Variants in WWP2 observed in about 807,000 individuals in gnomAD.
The protein encoded by WWP2 is WW domain containing E3 ubiquitin protein ligase 2, also known as NEDD4-like E3 ubiquitin-protein ligase WWP2.
In WWP2, 57 loss-of-function variants were observed where a neutral mutation model predicts 121.0. The ratio of observed to expected loss-of-function variants is 0.47; its 90% CI spans 0.38 to 0.59. The LOEUF (loss-of-function observed/expected upper bound fraction) is 0.59, where lower values mean the gene tolerates loss of function less well. Ranked by LOEUF, WWP2 falls within the 20% of genes least tolerant of loss-of-function variation. The pLI is 0.00. For missense variants in WWP2, 962 were observed against 1,158.9 expected (o/e 0.83, Z 2.47); for synonymous variants, 449 against 441.3 (o/e 1.02, Z -0.22).
chr16:69,929,995 G>A (rs1597177132), intron 12 of WWP2, 135 bp from the exon 13 acceptor site: 3 of 1,344,932 alleles, frequency 2.2e-6, no homozygotes, highest in Non-Finnish European at 3.1e-6. Context: ...CTTGGGTCAT[G>A]CTTCTTGGGT....
chr16:69,900,022 ATT>A (rs1409463942), intron 8 of WWP2, among the ~76,000 whole-genome samples: 12 of 152,150 alleles, frequency 7.9e-5, no homozygotes, highest in Non-Finnish European at 1.8e-4. Context: ...AACATGATTT[ATT>A]TGATTAACTC....
rs1410530377 is a variant in WWP2, at chr16:69,937,970, T to G, written c.2343+318T>G. Among the ~76,000 whole-genome samples, 1 of 152,182 alleles carries G rather than the reference T, an allele frequency of 6.6e-6. No homozygotes were observed. The highest frequency in any genetic ancestry group is 1.5e-5 in the Non-Finnish European group (1 of 68,038). On this transcript the variant is annotated intron_variant, in intron 21 of 23. Transcript: ENST00000359154. The surrounding 1 kb of genome is among the most constrained non-coding windows in gnomAD (Gnocchi z 6.6). Reference sequence around the variant, plus strand: ...CCAGATGGGACAGGAAGGCAGGGGCTTGGCTCCAGAAACCAGAAAGAGCTG... The same window carrying G: ...CCAGATGGGACAGGAAGGCAGGGGCGTGGCTCCAGAAACCAGAAAGAGCTG...
intron 7 of WWP2, among the ~76,000 whole-genome samples, chr16:69,885,812 A>G (rs970243997): frequency 5.3e-5 from 8 of 152,192 alleles, no homozygotes; most frequent in African/African-American, 1.9e-4. Context: ...TGAGGCCTAA[A>G]TGAGATAATC....
chr16:69,884,263 G>A (rs1220929660), intron 7 of WWP2, among the ~76,000 whole-genome samples: 2 of 152,154 alleles, frequency 1.3e-5, no homozygotes, highest in African/African-American at 4.8e-5. Context: ...AAGCTAACTT[G>A]AAGAGCTTCG....
intron 6 of WWP2, among the ~76,000 whole-genome samples, chr16:69,865,012 G>A (rs994171541): frequency 6.6e-6 from 1 of 151,898 alleles, no homozygotes; most frequent in Non-Finnish European, 1.5e-5. Flanking sequence ...CTTTTTTTGT[G>A]CTTATTTTCC....
At position 69,798,836 on chromosome 16, in the gene WWP2, GA is replaced by G. The variant is rs1283896141; in HGVS notation, c.218+10del. The G allele has an allele frequency of 6.2e-7, 1 of 1,613,410 alleles. No individual in the cohort carries two copies. Among genetic ancestry groups the G allele is most frequent in the African/African-American group, 1.3e-5 (1 of 74,896 alleles). The stretch of plus-strand genomic sequence containing the variant: ...GGAATGAGATCATCATTTTGTAAGA[GA>G]AAGCCCCTTCTTTTTGAACGCAGCA... On this transcript the variant is annotated splice_region_variant and intron_variant, in intron 3 of 23. Transcript: ENST00000359154.
intron 4 of WWP2, among the ~76,000 whole-genome samples, chr16:69,832,817 A>G (rs2056816079): frequency 6.6e-6 from 1 of 152,188 alleles, no homozygotes. Context: ...TGCTGGGATT[A>G]CAGGTGTGAA....
chr16:69,849,791 T>C (rs2057166820), intron 6 of WWP2, among the ~76,000 whole-genome samples: 2 of 150,256 alleles, frequency 1.3e-5, no homozygotes, highest in Admixed American at 1.3e-4. Flanking sequence ...CTGGACAACA[T>C]AGGGAGACCC....
chr16:69,927,584 A>G (rs1291796897), intron 11 of WWP2, among the ~76,000 whole-genome samples: 1 of 152,238 alleles, frequency 6.6e-6, no homozygotes, highest in African/African-American at 2.4e-5. Context: ...AGTGCCAGAA[A>G]TGACGACACA....
At chr16:69,851,916 G>C (rs558069589) in intron 6 of WWP2, among the ~76,000 whole-genome samples, 8 of 152,230 alleles carry the variant, frequency 5.3e-5, no homozygotes, top group Non-Finnish European at 7.4e-5. Context: ...CTGGGGGGTG[G>C]AGTTTGCAGT....
intron 17 of WWP2, among the ~76,000 whole-genome samples, 163 bp downstream of exon 17, chr16:69,934,292 C>T (rs180693146): frequency 1.4e-3 from 220 of 152,200 alleles, no homozygotes; most frequent in Admixed American, 4.8e-3. Context: ...CAGGAGGCAG[C>T]GTGGCGTGAA....
chr16:69,906,410 T>C (rs766567537), intron 8 of WWP2, among the ~76,000 whole-genome samples: 3 of 152,110 alleles, frequency 2.0e-5, no homozygotes, highest in Non-Finnish European at 4.4e-5. Flanking sequence ...GAGGGGCTGA[T>C]CAATGCAGTC....
At chr16:69,874,345 G>A (rs7190013) in intron 7 of WWP2, among the ~76,000 whole-genome samples, 96,544 of 152,030 alleles carry the variant, frequency 0.64, 31,378 homozygotes, top group East Asian at 0.9. Flanking sequence ...TTCATCCCTC[G>A]GGCTGCTGCT....
chr16:69,876,069 T>C lies in WWP2; in HGVS notation c.703+4138T>C, dbSNP rs1450077807. ...GCCTCCTGGGTTAAAGCAGTTCTCA[T>C]ACCTCAGTCCCAGGAGTAGCTGGGA... On this transcript the variant is annotated intron_variant, in intron 7 of 23. Coordinates refer to ENST00000359154, the MANE Select transcript of WWP2 (RefSeq NM_001270454.2). 5.3e-5 allele frequency among the ~76,000 whole-genome samples: 8 copies of C among 152,328 alleles called. No homozygotes were observed. The South Asian group carries it at 1.5e-3, about 28-fold the overall frequency.
At chr16:69,832,745 T>C (rs1438059217) in intron 4 of WWP2, among the ~76,000 whole-genome samples, 2 of 152,336 alleles carry the variant, frequency 1.3e-5, no homozygotes, top group Non-Finnish European at 2.9e-5. Context: ...GGTTTTGCCA[T>C]GTTGGCCAGG....
chr16:69,928,499 A>G (rs1201722074), intron 11 of WWP2, among the ~76,000 whole-genome samples: 3 of 152,194 alleles, frequency 2.0e-5, no homozygotes, highest in Non-Finnish European at 2.9e-5. Context: ...CCTTATCAGT[A>G]TATCAGTAAA....
At chr16:69,779,745 C>T (rs4985530) in intron 1 of WWP2, among the ~76,000 whole-genome samples, 140,546 of 152,260 alleles carry the variant, frequency 0.92, 65,108 homozygotes, top group Admixed American at 0.96. Flanking sequence ...AATATTCTTT[C>T]ATTTTTAAAG....
chr16:69,828,189 A>G (rs186665891), intron 4 of WWP2, among the ~76,000 whole-genome samples: 1 of 152,076 alleles, frequency 6.6e-6, no homozygotes, highest in East Asian at 1.9e-4. Context: ...ATGTACTGAA[A>G]TGAGGACATG....
intron 2 of WWP2, among the ~76,000 whole-genome samples, chr16:69,795,275 CACACACA>C (rs2056008778): frequency 6.6e-6 from 1 of 151,286 alleles, no homozygotes; most frequent in Non-Finnish European, 1.5e-5. Context: ...CACACACACA[CACACACA>C]CACACACACA....
Sources: allele counts gnomAD v4.1 joint callset (sites outside exome capture counted in the v4.1 genomes callset), GRCh38; gene constraint gnomAD v4.1.1; non-coding constraint Gnocchi (gnomAD v3.1); transcripts MANE v1.5; gene names NCBI Gene and HGNC (gene_info 2026-07-23, HGNC 2026-07-21).